The following CFAP57 variants were observed in gnomAD, a reference collection of about 807,000 sequenced individuals.
The protein encoded by CFAP57 is cilia and flagella associated protein 57.
CFAP57 carries 116 observed loss-of-function variants against 146.8 expected under a neutral mutation model. The ratio of observed to expected loss-of-function variants is 0.79; its 90% CI spans 0.68 to 0.92. CFAP57 has a LOEUF of 0.92. Ranked by LOEUF, CFAP57 falls within the 40% of genes least tolerant of loss-of-function variation. The pLI is 0.00. For missense variants in CFAP57, 1,377 were observed against 1,527.2 expected (o/e 0.90, Z 1.64); for synonymous variants, 518 against 552.8 (o/e 0.94, Z 0.88).
intron 19 of CFAP57, among the ~76,000 whole-genome samples, chr1:43,232,962 G>A (rs1473646660): frequency 6.6e-6 from 1 of 152,160 alleles, no homozygotes; most frequent in Non-Finnish European, 1.5e-5. Flanking sequence ...TTTGATGACC[G>A]AAAAATTGCC....
Position 43,250,620 on chromosome 1 carries a change from T to C in CFAP57, c.3539-3357T>C, listed in dbSNP as rs117253202. ...CAAACACACACAATCACCAAAACAC[T>C]ATCCAACTGCTGCAGCAACAAACAA... On this transcript the variant is annotated intron_variant, in intron 22 of 22. Coordinates refer to ENST00000372492, the MANE Select transcript of CFAP57 (RefSeq NM_001378189.1). Among the ~76,000 whole-genome samples the C allele has an allele frequency of 1.1e-3, 170 of 152,266 alleles. 1 individual carries two copies. The East Asian group carries it at 0.018, about 16-fold the overall frequency.
At chr1:43,184,387 G>C (rs758724851) in intron 4 of CFAP57, among the ~76,000 whole-genome samples, 1 of 152,190 alleles carries the variant, frequency 6.6e-6, no homozygotes. Flanking sequence ...GAGATGCCAC[G>C]TTATCTCTAT....
chr1:43,175,215 GGTGT>G (rs1044921374), intron 2 of CFAP57, among the ~76,000 whole-genome samples: 2 of 151,190 alleles, frequency 1.3e-5, no homozygotes, highest in Non-Finnish European at 2.9e-5. Flanking sequence ...CTCTGTCTAT[GGTGT>G]GTGTGTGTAT....
rs663824 is a variant in CFAP57, at chr1:43,183,837, A to G, written c.721A>G (p.Asn241Asp). Residue 241 changes from asparagine to aspartate, a missense_variant, in exon 4 of 23, where the codon AAT (asparagine) becomes GAT (aspartate). By Grantham distance (23) the Asn-to-Asp change is conservative. Transcript: ENST00000372492. ...ETSIMVKEPT[N>D]GSKSLDVIQE... is the part of the protein sequence containing the mutation. ...CAGCATAATGGTCAAGGAACCTACC[A>G]ATGGCTCAAAGAGCCTGGATGTCAT... 674,133 of 1,613,802 alleles carry G rather than the reference A, an allele frequency of 0.42. 147,736 individuals are homozygous for G. The highest frequency in any genetic ancestry group is 0.78 in the African/African-American group (58,656 of 74,962).
At position 43,215,730 on chromosome 1, in the gene CFAP57, A is replaced by G. The variant is rs75634978; in HGVS notation, c.2091+314A>G. Among the ~76,000 whole-genome samples the G allele has an allele frequency of 1.1e-4, 17 of 152,326 alleles. No homozygotes were observed. In the East Asian group the frequency reaches 2.5e-3, roughly 22 times the overall value. On this transcript the variant is annotated intron_variant, in intron 12 of 22. Coordinates refer to ENST00000372492, the MANE Select transcript of CFAP57 (RefSeq NM_001378189.1). ...GAAACATACAGTTCTCTTATGACCA[A>G]CAGTTCCTAGCACATGCTGGGCACA... is the stretch of plus-strand genomic sequence containing the variant.
At chr1:43,210,508 T>C in intron 11 of CFAP57, 1 of 775,232 alleles carries the variant, frequency 1.3e-6, no homozygotes, top group South Asian at 4.7e-5. Context: ...GGAAGGGAAT[T>C]CTGCAATGTG....
At chr1:43,246,210 A>G (rs1428404739) in intron 22 of CFAP57, among the ~76,000 whole-genome samples, 1 of 152,236 alleles carries the variant, frequency 6.6e-6, no homozygotes, top group Non-Finnish European at 1.5e-5. Context: ...GGTACCCTGA[A>G]TAGCCAAAAC....
At chr1:43,185,082 T>G in intron 4 of CFAP57, 67 bp from the exon 5 acceptor site, 1 of 1,554,676 alleles carries the variant, frequency 6.4e-7, no homozygotes, top group Non-Finnish European at 8.8e-7. Flanking sequence ...TTCTTTCTCC[T>G]CCCCAGCAGA....
At chr1:43,248,974 C>T (rs899810743) in intron 22 of CFAP57, among the ~76,000 whole-genome samples, 4 of 151,602 alleles carry the variant, frequency 2.6e-5, no homozygotes, top group Non-Finnish European at 4.4e-5. Flanking sequence ...CTCCGCCTCC[C>T]GGGTTCATGC....
rs367612637 is a variant in CFAP57, at chr1:43,172,364, G to A, written c.-109G>A. The A allele has an allele frequency of 2.6e-6, 4 of 1,551,478 alleles. No individual in the cohort carries two copies. In the African/African-American group the frequency reaches 5.5e-5, roughly 21 times the overall value. On this transcript the variant is annotated 5_prime_UTR_variant, in exon 1 of 23. Transcript: ENST00000372492. ...TTGTCGTTGCTATAGGAACCGCTAC[G>A]GCGTTTGAAAGTGTCCGGGTTGCTT...
intron 5 of CFAP57, among the ~76,000 whole-genome samples, chr1:43,186,414 A>C (rs890849821): frequency 6.6e-6 from 1 of 152,084 alleles, no homozygotes; most frequent in Admixed American, 6.6e-5. Context: ...GATCGAGACC[A>C]TCCTGGCTAA....
chr1:43,202,922 C>CCAG (rs1390925401), intron 9 of CFAP57, among the ~76,000 whole-genome samples: 1 of 151,566 alleles, frequency 6.6e-6, no homozygotes, highest in African/African-American at 2.4e-5. Flanking sequence ...ACCTGTAATC[C>CCAG]CAGCACTTTG....
At chr1:43,190,472 A>G (rs1002208579) in intron 6 of CFAP57, among the ~76,000 whole-genome samples, 8 of 151,906 alleles carry the variant, frequency 5.3e-5, no homozygotes, top group Admixed American at 2.0e-4. Flanking sequence ...GGGTTTCACC[A>G]TGTTAGCCAG....
Position 43,253,959 on chromosome 1 carries a change from TC to T in CFAP57, c.3539-16del, listed in dbSNP as rs1470396113. 1.9e-6 allele frequency: 3 copies of T among 1,545,418 alleles called. No individual in the cohort carries two copies. In the East Asian group the frequency reaches 7.3e-5, roughly 38 times the overall value. ...AGTGCAATGGACAGGCCCACATGAG[TC>T]CTGTTGTCTCTTACAGAACCCAGCA... On this transcript the variant is annotated splice_polypyrimidine_tract_variant and intron_variant, in intron 22 of 22. Coordinates refer to ENST00000372492, the MANE Select transcript of CFAP57 (RefSeq NM_001378189.1).
At chr1:43,190,199 T>A (rs1643410327) in intron 6 of CFAP57, among the ~76,000 whole-genome samples, 1 of 151,682 alleles carries the variant, frequency 6.6e-6, no homozygotes, top group Non-Finnish European at 1.5e-5. Flanking sequence ...TAGTATCATG[T>A]CAAATATCAG....
At chr1:43,180,240 A>T (rs942108283) in intron 2 of CFAP57, among the ~76,000 whole-genome samples, 11 of 121,550 alleles carry the variant, frequency 9.0e-5, no homozygotes, top group Middle Eastern at 3.8e-3. Flanking sequence ...TATATATATA[A>T]AATATATATA....
At chr1:43,229,059 A>AG (rs146776746) in intron 18 of CFAP57, among the ~76,000 whole-genome samples, 2,403 of 148,904 alleles carry the variant, frequency 0.016, 268 homozygotes, top group African/African-American at 0.057. Flanking sequence ...TTTGGGGTGG[A>AG]GGGCACCAAC....
rs556361030 is a variant in CFAP57, at chr1:43,206,928, C to T, written c.1751C>T (p.Ser584Phe). ...SDHTLKEIAD[S>F]LILREISAFD... ...CACACCCTCAAGGAGATTGCAGATT[C>T]CTTGGTGAGTCTGCCCCTGCCCCGC... Residue 584 changes from serine to phenylalanine, a missense_variant, in exon 10 of 23, where the codon TCC becomes TTC. Ser to Phe is a radical substitution (Grantham distance 155, BLOSUM62 -2). Transcript: ENST00000372492. The T allele has an allele frequency of 1.2e-6, 2 of 1,613,278 alleles. No homozygotes were observed. Among genetic ancestry groups the T allele is most frequent in the Admixed American group, 3.3e-5 (2 of 60,016 alleles).
At position 43,183,503 on chromosome 1, in the gene CFAP57, G is replaced by C. The variant is rs377101533; in HGVS notation, c.475-88G>C. On this transcript the variant is annotated intron_variant, in intron 3 of 22. Transcript: ENST00000372492. ...GTTTTGGAGATATTCTGAGCAGCCT[G>C]AAATAAATATTAATTTGTAAAATGG... The C allele has an allele frequency of 1.4e-5, 18 of 1,250,924 alleles. 1 individual carries two copies. The Admixed American group carries it at 1.5e-4, about 10-fold the overall frequency. 77.5% of individuals were successfully genotyped at this position (1,250,924 alleles called of 1,614,324 possible).
Sources: allele counts gnomAD v4.1 joint callset (sites outside exome capture counted in the v4.1 genomes callset), GRCh38; gene constraint gnomAD v4.1.1; transcripts MANE v1.5; gene names NCBI Gene and HGNC (gene_info 2026-07-23, HGNC 2026-07-21).